Variants in SMAD2 observed in about 807,000 individuals in gnomAD.
The protein encoded by SMAD2 is MAD homolog 2.
A neutral mutation model predicts 64.4 loss-of-function variants in SMAD2; 8 were observed. That is an observed-to-expected ratio of 0.12 (90% confidence interval 0.07 to 0.22). The LOEUF (loss-of-function observed/expected upper bound fraction) is 0.22, where lower values mean the gene tolerates loss of function less well. Ranked by LOEUF, SMAD2 falls within the 10% of genes least tolerant of loss-of-function variation. SMAD2 has a pLI of 1.00. For missense variants in SMAD2, 289 were observed against 561.2 expected (o/e 0.51, Z 4.90); for synonymous variants, 203 against 195.8 (o/e 1.04, Z -0.31).
intron 2 of SMAD2, chr18:47,878,340 A>C (rs916283067): frequency 3.9e-5 from 6 of 152,218 alleles, no homozygotes; most frequent in Admixed American, 1.3e-4. Context: ...TGCTCATGTA[A>C]TAAGTACAAT....
chr18:47,842,574 G>T (rs569629129), intron 10 of SMAD2, among the ~76,000 whole-genome samples: 22 of 152,162 alleles, frequency 1.4e-4, no homozygotes, highest in African/African-American at 4.8e-4. Flanking sequence ...GCCAAAAGGA[G>T]ACACGTGAAT....
Position 47,817,777 on chromosome 18 carries a change from T to C in SMAD2, c.*24050A>G, listed in dbSNP as rs1912421385. 6.6e-6 allele frequency: 1 copy of C among 152,258 alleles called. No homozygotes were observed. Among genetic ancestry groups the C allele is most frequent in the South Asian group, 2.1e-4 (1 of 4,836 alleles). The allele number at this position is 152,258 out of a possible 1,614,324, so 9.4% of individuals were successfully genotyped here. Reference sequence around the variant, plus strand: ...TGATTTGGCTCTTTTCCCCTGTTTCTGAACATCTCCCAAGAGCAAAAATAA... The same window carrying C: ...TGATTTGGCTCTTTTCCCCTGTTTCCGAACATCTCCCAAGAGCAAAAATAA... On this transcript the variant is annotated 3_prime_UTR_variant, in exon 11 of 11. Transcript: ENST00000262160.
rs367814731 is a variant in SMAD2 at position 47,834,912 on chromosome 18, GAC to G, written c.*6913_*6914del. ...ATTAAAACAAAGGCTGCCAGCTGGAGACACAGCCCTCCGATTACAAAGGCCCA... is the reference window on the plus strand; with the variant it reads ...ATTAAAACAAAGGCTGCCAGCTGGAGACAGCCCTCCGATTACAAAGGCCCA... On this transcript the variant is annotated 3_prime_UTR_variant, in exon 11 of 11. Coordinates refer to ENST00000262160, the MANE Select transcript of SMAD2 (RefSeq NM_005901.6). 6.7e-5 allele frequency: 15 copies of G among 223,528 alleles called. No individual in the cohort carries two copies. In the East Asian group the frequency reaches 9.0e-4, roughly 13 times the overall value. 13.8% of individuals were successfully genotyped at this position (223,528 alleles called of 1,614,324 possible). A position where few individuals can be genotyped will look rare whatever the true frequency, so the allele number is the denominator to read the frequency against.
chr18:47,851,491 G>C (rs978685150), intron 6 of SMAD2, among the ~76,000 whole-genome samples, 164 bp from the exon 7 acceptor site: 3 of 142,752 alleles, frequency 2.1e-5, no homozygotes, highest in Non-Finnish European at 3.0e-5. Context: ...TTAATTTGTG[G>C]GGGGTCGGGG....
rs1184541221 is a variant in SMAD2, at chr18:47,828,554, T to C, written c.*13273A>G. 2.4e-5 allele frequency: 4 copies of C among 167,022 alleles called. No homozygotes were observed. The East Asian group carries it at 7.1e-4, about 30-fold the overall frequency. 10.3% of individuals were successfully genotyped at this position (167,022 alleles called of 1,614,324 possible). A position where few individuals can be genotyped will look rare whatever the true frequency, so the allele number is the denominator to read the frequency against. ...GTTGCTGTGTCTGTGTAGAAAGAAGTAGACATAGGAGACTCCATTTTGTTC... is the reference window on the plus strand; with the variant it reads ...GTTGCTGTGTCTGTGTAGAAAGAAGCAGACATAGGAGACTCCATTTTGTTC... On this transcript the variant is annotated 3_prime_UTR_variant, in exon 11 of 11. Transcript: ENST00000262160.
At chr18:47,895,847 AC>A (rs1451010742) in intron 2 of SMAD2, 2 of 152,730 alleles carry the variant, frequency 1.3e-5, no homozygotes, top group East Asian at 3.8e-4. Context: ...GAGAATTCTT[AC>A]ATTTAACAAT....
intron 1 of SMAD2, among the ~76,000 whole-genome samples, chr18:47,912,009 C>T (rs917080805): frequency 5.3e-5 from 8 of 152,126 alleles, no homozygotes; most frequent in Non-Finnish European, 1.0e-4. Context: ...ACAGTCTTAT[C>T]CTAGCACAGA....
Position 47,816,169 on chromosome 18 carries a change from A to G in SMAD2, c.*25658T>C, listed in dbSNP as rs1350319359. 1 of 152,238 alleles carries G rather than the reference A, an allele frequency of 6.6e-6. No homozygotes were observed. Among genetic ancestry groups the G allele is most frequent in the Non-Finnish European group, 1.5e-5 (1 of 68,048 alleles). 9.4% of individuals were successfully genotyped at this position (152,238 alleles called of 1,614,324 possible). ...CATGCCACATTTAGTCAAGACAACA[A>G]TAACAAAAGGCTTTCTTCAGGGAGG... On this transcript the variant is annotated 3_prime_UTR_variant, in exon 11 of 11. Coordinates refer to ENST00000262160, the MANE Select transcript of SMAD2 (RefSeq NM_005901.6).
rs1431471206 is a variant in SMAD2, at chr18:47,817,437, G to T, written c.*24390C>A. 1.3e-5 allele frequency: 2 copies of T among 152,178 alleles called. No homozygotes were observed. The highest frequency in any genetic ancestry group is 2.9e-5 in the Non-Finnish European group (2 of 68,046). 9.4% of individuals were successfully genotyped at this position (152,178 alleles called of 1,614,324 possible). On this transcript the variant is annotated 3_prime_UTR_variant, in exon 11 of 11. Coordinates refer to ENST00000262160, the MANE Select transcript of SMAD2 (RefSeq NM_005901.6). ...CAAGTCCTTTTTGATATAAAGACAA[G>T]TGTCCCTCTGGTTTGAGTACTCTGG...
Position 47,822,263 on chromosome 18 carries a change from A to G in SMAD2, c.*19564T>C, listed in dbSNP as rs899613482. Reference sequence around the variant, plus strand: ...GTAAACTCTCATCAGATTTTTAATCATGGTTATTCTAAGTTTTTGTAATTC... The same window carrying G: ...GTAAACTCTCATCAGATTTTTAATCGTGGTTATTCTAAGTTTTTGTAATTC... On this transcript the variant is annotated 3_prime_UTR_variant, in exon 11 of 11. Coordinates refer to ENST00000262160, the MANE Select transcript of SMAD2 (RefSeq NM_005901.6). The G allele has an allele frequency of 1.3e-5, 2 of 152,360 alleles. No individual in the cohort carries two copies. Among genetic ancestry groups the G allele is most frequent in the African/African-American group, 4.8e-5 (2 of 41,600 alleles). The allele number at this position is 152,360 out of a possible 1,614,324, so 9.4% of individuals were successfully genotyped here.
chr18:47,825,079 C>T lies in SMAD2; in HGVS notation c.*16748G>A, dbSNP rs1477438197. The T allele has an allele frequency of 2.0e-5, 3 of 152,040 alleles. No individual in the cohort carries two copies. Among genetic ancestry groups the T allele is most frequent in the South Asian group, 2.1e-4 (1 of 4,812 alleles). 9.4% of individuals were successfully genotyped at this position (152,040 alleles called of 1,614,324 possible). On this transcript the variant is annotated 3_prime_UTR_variant, in exon 11 of 11. Transcript: ENST00000262160. ...CATCCACTGGGCTGCCAGTAAAAGA[C>T]CACAAAATATTTTTGTGTATTTACA...
intron 1 of SMAD2, among the ~76,000 whole-genome samples, chr18:47,929,868 A>C (rs2034927330): frequency 6.6e-6 from 1 of 152,228 alleles, no homozygotes; most frequent in African/African-American, 2.4e-5. Context: ...CTCCACCCGC[A>C]GAACAACTTT....
intron 2 of SMAD2, among the ~76,000 whole-genome samples, chr18:47,879,813 A>C (rs2032483905): frequency 6.6e-6 from 1 of 152,158 alleles, no homozygotes; most frequent in Admixed American, 6.5e-5. Context: ...TGTATGAGAG[A>C]GAGCTCCTGG....
Position 47,815,986 on chromosome 18 carries a change from T to C in SMAD2, c.*25841A>G, listed in dbSNP as rs1296406701. The C allele has an allele frequency of 6.6e-6, 1 of 152,244 alleles. No homozygotes were observed. Among genetic ancestry groups the C allele is most frequent in the Non-Finnish European group, 1.5e-5 (1 of 68,084 alleles). 9.4% of individuals were successfully genotyped at this position (152,244 alleles called of 1,614,324 possible). A position where few individuals can be genotyped will look rare whatever the true frequency, so the allele number is the denominator to read the frequency against. ...CTGACATAAAATACCATTTTTCCTC[T>C]ACCACTTGGCTAAGAAGCTGAGGAG... is the stretch of plus-strand genomic sequence containing the variant. On this transcript the variant is annotated 3_prime_UTR_variant, in exon 11 of 11. Transcript: ENST00000262160.
rs1448148112 is a variant in SMAD2 at position 47,841,333 on chromosome 18, G to GAT, written c.*492_*493dup. On this transcript the variant is annotated 3_prime_UTR_variant, in exon 11 of 11. Transcript: ENST00000262160. ...TGCTTCTAAATAATTTGAAAATCTTGATATATATTATATATTAAAAAAGAC... is the reference window on the plus strand; with the variant it reads ...TGCTTCTAAATAATTTGAAAATCTTGATATATATATTATATATTAAAAAAGAC... 8.6e-6 allele frequency: 2 copies of GAT among 233,406 alleles called. No homozygotes were observed. The highest frequency in any genetic ancestry group is 1.7e-5 in the Non-Finnish European group (2 of 118,244). The allele number at this position is 233,406 out of a possible 1,614,324, so 14.5% of individuals were successfully genotyped here. A position where few individuals can be genotyped will look rare whatever the true frequency, so the allele number is the denominator to read the frequency against.
intron 1 of SMAD2, among the ~76,000 whole-genome samples, chr18:47,921,117 A>G (rs2065337294): frequency 6.6e-6 from 1 of 152,194 alleles, no homozygotes; most frequent in Non-Finnish European, 1.5e-5. Flanking sequence ...TGATCACACC[A>G]CTGCACTCCA....
chr18:47,878,508 C>CA (rs1164411464), intron 2 of SMAD2: 1 of 152,050 alleles, frequency 6.6e-6, no homozygotes, highest in Non-Finnish European at 1.5e-5. Flanking sequence ...CATGTGCCTG[C>CA]AGTCCCAGCT....
At chr18:47,902,018 G>C (rs1196010066) in intron 1 of SMAD2, among the ~76,000 whole-genome samples, 1 of 152,086 alleles carries the variant, frequency 6.6e-6, no homozygotes, top group Non-Finnish European at 1.5e-5. Flanking sequence ...AACACCATAG[G>C]ACTAGAAAAT....
chr18:47,841,471 T>C lies in SMAD2; in HGVS notation c.*356A>G, dbSNP rs1203331149. ...ACACCTCATCTATGCAAACTAAAAA[T>C]GTATATAAACAGCACAATACTGTGA... On this transcript the variant is annotated 3_prime_UTR_variant, in exon 11 of 11. Transcript: ENST00000262160. 2.7e-6 allele frequency: 1 copy of C among 374,080 alleles called. No homozygotes were observed. The highest frequency in any genetic ancestry group is 4.1e-5 in the East Asian group (1 of 24,260). 23.2% of individuals were successfully genotyped at this position (374,080 alleles called of 1,614,324 possible). A position where few individuals can be genotyped will look rare whatever the true frequency, so the allele number is the denominator to read the frequency against.
Sources: allele counts gnomAD v4.1 joint callset (sites outside exome capture counted in the v4.1 genomes callset), GRCh38; gene constraint gnomAD v4.1.1; transcripts MANE v1.5; gene names NCBI Gene and HGNC (gene_info 2026-07-23, HGNC 2026-07-21).